The following SNTG1 variants were observed in gnomAD, a reference collection of about 807,000 sequenced individuals.
The protein encoded by SNTG1 is gamma-1-syntrophin.
Under a neutral mutation model 74.7 loss-of-function variants are expected in SNTG1, and 39 were observed. The observed-to-expected ratio is 0.52, with a 90% CI of 0.40 to 0.68. The LOEUF (loss-of-function observed/expected upper bound fraction) is 0.68, where lower values mean the gene tolerates loss of function less well. Among genes scored for constraint, SNTG1 ranks in the 30% least tolerant of loss-of-function variants. The pLI, the probability that SNTG1 is intolerant of heterozygous loss-of-function variation, is 0.00. For synonymous variants in SNTG1, 254 were observed against 217.1 expected, an observed-to-expected ratio of 1.17 and a Z score of -1.49; for missense variants, 685 against 609.5, an observed-to-expected ratio of 1.12 and a Z score of -1.30.
intron 1 of SNTG1, among the ~76,000 whole-genome samples, chr8:49,986,366 G>C (rs1182049679): frequency 6.6e-6 from 1 of 152,072 alleles, no homozygotes; most frequent in Admixed American, 6.6e-5. Context: ...CATATGACTG[G>C]CCTGAATTGG....
At chr8:50,036,755 T>C (rs2130790221) in intron 1 of SNTG1, among the ~76,000 whole-genome samples, 1 of 152,342 alleles carries the variant, frequency 6.6e-6, no homozygotes, top group East Asian at 1.9e-4. Context: ...ACTCCTCTTC[T>C]TCGGCTGAAG....
chr8:50,270,906 C>T (rs1271071810), intron 2 of SNTG1, among the ~76,000 whole-genome samples: 3 of 152,164 alleles, frequency 2.0e-5, no homozygotes, highest in Non-Finnish European at 4.4e-5. Flanking sequence ...AATCACTGCT[C>T]AGCTGTTTGC....
At chr8:50,148,019 T>C (rs1458816005) in intron 1 of SNTG1, among the ~76,000 whole-genome samples, 1 of 152,098 alleles carries the variant, frequency 6.6e-6, no homozygotes, top group Non-Finnish European at 1.5e-5. Flanking sequence ...TCAGGTTATA[T>C]CAGAAGGACA....
At chr8:50,392,027 T>G (rs2092669096) in intron 2 of SNTG1, among the ~76,000 whole-genome samples, 1 of 152,108 alleles carries the variant, frequency 6.6e-6, no homozygotes, top group African/African-American at 2.4e-5. Context: ...GGGGACTACA[T>G]GTAATGACGT....
chr8:50,495,195 A>G (rs1466508912), intron 8 of SNTG1, among the ~76,000 whole-genome samples: 1 of 152,180 alleles, frequency 6.6e-6, no homozygotes, highest in Non-Finnish European at 1.5e-5. Context: ...AATTTAGACT[A>G]GAAATGCCTA....
chr8:50,462,737 C>T (rs1325045357), intron 8 of SNTG1, among the ~76,000 whole-genome samples: 1 of 145,860 alleles, frequency 6.9e-6, no homozygotes, highest in Non-Finnish European at 1.5e-5. Flanking sequence ...ATCAGCTCCT[C>T]ATGTATTCAT....
At chr8:49,921,015 A>G (rs1311422745) in intron 1 of SNTG1, among the ~76,000 whole-genome samples, 1 of 152,088 alleles carries the variant, frequency 6.6e-6, no homozygotes, top group Non-Finnish European at 1.5e-5. Context: ...GACATGTCAA[A>G]TGGATAATGA....
chr8:50,038,475 C>A (rs781480540), intron 1 of SNTG1, among the ~76,000 whole-genome samples: 4 of 152,158 alleles, frequency 2.6e-5, no homozygotes, highest in Non-Finnish European at 4.4e-5. Flanking sequence ...TTAAGGGATG[C>A]ACAGACCTTA....
At chr8:50,238,049 T>C (rs2085996252) in intron 2 of SNTG1, among the ~76,000 whole-genome samples, 1 of 152,122 alleles carries the variant, frequency 6.6e-6, no homozygotes, top group Non-Finnish European at 1.5e-5. Flanking sequence ...GAATCAATAT[T>C]ATTAAAATGG....
chr8:50,107,447 A>T (rs183409386), intron 1 of SNTG1, among the ~76,000 whole-genome samples: 137 of 152,318 alleles, frequency 9.0e-4, no homozygotes, highest in Non-Finnish European at 1.8e-3. Flanking sequence ...TAATTATGTT[A>T]TATTTAATAA....
At chr8:50,365,527 G>A (rs1462167919) in intron 2 of SNTG1, among the ~76,000 whole-genome samples, 4 of 151,992 alleles carry the variant, frequency 2.6e-5, no homozygotes, top group Non-Finnish European at 5.9e-5. Flanking sequence ...TGATATATCT[G>A]ATCTAAAGTA....
At chr8:50,112,909 G>C (rs2080658174) in intron 1 of SNTG1, among the ~76,000 whole-genome samples, 1 of 152,046 alleles carries the variant, frequency 6.6e-6, no homozygotes, top group Non-Finnish European at 1.5e-5. Flanking sequence ...TTGTAAATGT[G>C]GGGTATTATT....
chr8:49,979,625 TGTC>T (rs1377007778), intron 1 of SNTG1, among the ~76,000 whole-genome samples: 2 of 152,100 alleles, frequency 1.3e-5, no homozygotes, highest in Non-Finnish European at 2.9e-5. Context: ...ACACCTAGCT[TGTC>T]GTCGCGCTCT....
chr8:50,164,844 G>C (rs576459389), intron 1 of SNTG1, among the ~76,000 whole-genome samples: 1 of 152,092 alleles, frequency 6.6e-6, no homozygotes, highest in Admixed American at 6.5e-5. Flanking sequence ...TTATTAAATG[G>C]TATGGCTATA....
chr8:50,606,920 T>C lies in SNTG1; in HGVS notation c.849+16003T>C, dbSNP rs149732912. On this transcript the variant is annotated intron_variant, in intron 13 of 18. Transcript: ENST00000642720. The stretch of plus-strand genomic sequence containing the variant: ...AAACCAAGTTTGAATTTTGCGAATA[T>C]ATCCCAGTTAATCATAATGTTTTTA... Among the ~76,000 whole-genome samples the C allele has an allele frequency of 9.0e-3, 1,368 of 152,010 alleles. 27 individuals are homozygous for C. The highest frequency in any genetic ancestry group is 0.031 in the African/African-American group (1,298 of 41,560).
At chr8:50,129,211 T>A (rs1229960235) in intron 1 of SNTG1, among the ~76,000 whole-genome samples, 1 of 152,106 alleles carries the variant, frequency 6.6e-6, no homozygotes, top group African/African-American at 2.4e-5. Flanking sequence ...GTCTTTTGTA[T>A]TATTGTTTAT....
chr8:50,360,662 A>T (rs545247582), intron 2 of SNTG1, among the ~76,000 whole-genome samples: 2 of 152,182 alleles, frequency 1.3e-5, no homozygotes, highest in African/African-American at 2.4e-5. Context: ...TCCACAGCAC[A>T]TTACTATATT....
At chr8:50,213,131 A>C (rs1054455007) in intron 2 of SNTG1, among the ~76,000 whole-genome samples, 3 of 152,180 alleles carry the variant, frequency 2.0e-5, no homozygotes, top group Non-Finnish European at 2.9e-5. Flanking sequence ...ACTTATCGAA[A>C]ATTCTCAGAC....
chr8:50,579,052 C>A (rs1450470443), intron 12 of SNTG1, among the ~76,000 whole-genome samples: 1 of 152,124 alleles, frequency 6.6e-6, no homozygotes, highest in Non-Finnish European at 1.5e-5. Context: ...TTAGAGGGCT[C>A]AGAAGACAGA....
Sources: allele counts gnomAD v4.1 joint callset (sites outside exome capture counted in the v4.1 genomes callset), GRCh38; gene constraint gnomAD v4.1.1; transcripts MANE v1.5; gene names NCBI Gene and HGNC (gene_info 2026-07-23, HGNC 2026-07-21).